LUZP2: variants seen among roughly 807,000 people sequenced by gnomAD.
LUZP2 encodes leucine zipper protein 2.
Under a neutral mutation model 51.6 loss-of-function variants are expected in LUZP2, and 52 were observed. The observed-to-expected ratio is 1.01, with a 90% CI of 0.81 to 1.27. LUZP2 has a LOEUF of 1.27. Ranked by LOEUF, LUZP2 falls within the 50% of genes most tolerant of loss-of-function variation. LUZP2 has a pLI of 0.00. For missense variants in LUZP2, 436 were observed against 395.4 expected, an observed-to-expected ratio of 1.10 and a Z score of -0.87; for synonymous variants, 154 against 137.3, an observed-to-expected ratio of 1.12 and a Z score of -0.85.
chr11:24,574,922 G>C (rs1400507632), intron 1 of LUZP2, among the ~76,000 whole-genome samples: 1 of 152,060 alleles, frequency 6.6e-6, no homozygotes, highest in Non-Finnish European at 1.5e-5. Context: ...TCCTCTTAAG[G>C]GGAGATTAAG....
At chr11:24,804,179 G>A (rs941836931) in intron 5 of LUZP2, among the ~76,000 whole-genome samples, 2 of 151,970 alleles carry the variant, frequency 1.3e-5, no homozygotes, top group East Asian at 3.9e-4. Context: ...GAGGCACAAA[G>A]ACCAAATACA....
intron 5 of LUZP2, among the ~76,000 whole-genome samples, chr11:24,820,159 T>G (rs957117736): frequency 6.6e-6 from 1 of 152,114 alleles, no homozygotes; most frequent in African/African-American, 2.4e-5. Flanking sequence ...TTATAATAGG[T>G]GAACGCATAC....
chr11:24,542,013 G>A (rs1163130091), intron 1 of LUZP2, among the ~76,000 whole-genome samples: 2 of 151,932 alleles, frequency 1.3e-5, no homozygotes, highest in Non-Finnish European at 1.5e-5. Flanking sequence ...AGAATTAATG[G>A]TATACCAAAA....
chr11:24,946,057 A>G (rs1590760225), intron 7 of LUZP2, among the ~76,000 whole-genome samples: 1 of 152,094 alleles, frequency 6.6e-6, no homozygotes, highest in East Asian at 1.9e-4. Flanking sequence ...ATATATAAGT[A>G]GAAACATACA....
chr11:24,921,954 A>C (rs1482495695), intron 7 of LUZP2, among the ~76,000 whole-genome samples: 2 of 152,166 alleles, frequency 1.3e-5, no homozygotes, highest in Non-Finnish European at 2.9e-5. Flanking sequence ...TCACAATGAA[A>C]GAATTGAAGT....
rs141931658 is a variant in LUZP2 at position 24,926,207 on chromosome 11, GTA to G, written c.522+11682_522+11683del. On this transcript the variant is annotated intron_variant, in intron 7 of 11. Transcript: ENST00000336930. ...TATATATGTGTATATATATATGTGT[GTA>G]TATATATATATACGTGTATATATAT... Among the ~76,000 whole-genome samples the G allele has an allele frequency of 7.5e-4, 108 of 144,464 alleles. 1 individual carries two copies. The highest frequency in any genetic ancestry group is 2.1e-3 in the Admixed American group (30 of 14,260). 94.8% of individuals were successfully genotyped at this position (144,464 alleles called of 152,430 possible).
intron 9 of LUZP2, among the ~76,000 whole-genome samples, chr11:25,001,454 T>C (rs1035028960): frequency 2.0e-5 from 3 of 152,136 alleles, no homozygotes; most frequent in African/African-American, 7.2e-5. Context: ...GGTAATTAAT[T>C]AAGATTTAGA....
At chr11:24,497,955 A>G (rs1564953062) in intron 1 of LUZP2, among the ~76,000 whole-genome samples, 1 of 152,224 alleles carries the variant, frequency 6.6e-6, no homozygotes, top group Non-Finnish European at 1.5e-5. Flanking sequence ...CTAGTCAGAA[A>G]CAATTAAGTA....
At position 24,521,125 on chromosome 11, in the gene LUZP2, C is replaced by G. The variant is rs536414614; in HGVS notation, c.62+23820C>G. ...CAGCACTTTGGGAGGCCAAGGTGTG[C>G]GGATCACCTGAGGTCAGAAGTTTGG... On this transcript the variant is annotated intron_variant, in intron 1 of 11. Coordinates refer to ENST00000336930, the MANE Select transcript of LUZP2 (RefSeq NM_001009909.4). Among the ~76,000 whole-genome samples, 10 of 152,106 alleles carry G rather than the reference C, an allele frequency of 6.6e-5. No homozygotes were observed. In the East Asian group the frequency reaches 1.7e-3, roughly 27 times the overall value.
At chr11:24,793,318 G>A (rs1374787751) in intron 5 of LUZP2, among the ~76,000 whole-genome samples, 1 of 152,030 alleles carries the variant, frequency 6.6e-6, no homozygotes, top group African/African-American at 2.4e-5. Flanking sequence ...TTTTTGTTGT[G>A]ACTTATTTCT....
intron 4 of LUZP2, among the ~76,000 whole-genome samples, chr11:24,745,742 A>G (rs1859356746): frequency 6.6e-6 from 1 of 152,112 alleles, no homozygotes; most frequent in Admixed American, 6.6e-5. Context: ...CAGTGGCACA[A>G]TCTTGGCTCA....
chr11:25,044,040 A>ATAGTC (rs1858177523), intron 9 of LUZP2, among the ~76,000 whole-genome samples: 1 of 11,212 alleles, frequency 8.9e-5, no homozygotes, highest in Admixed American at 1.6e-3. Flanking sequence ...TAGAGTCTAT[A>ATAGTC]TATATATCTG....
At chr11:24,706,881 C>T (rs191234646) in intron 1 of LUZP2, among the ~76,000 whole-genome samples, 1 of 151,916 alleles carries the variant, frequency 6.6e-6, no homozygotes, top group Admixed American at 6.6e-5. Flanking sequence ...CCTCTCTCTT[C>T]TCCTTCTTGA....
At chr11:24,524,983 A>G (rs528288355) in intron 1 of LUZP2, among the ~76,000 whole-genome samples, 37 of 151,626 alleles carry the variant, frequency 2.4e-4, no homozygotes, top group Middle Eastern at 3.2e-3. Flanking sequence ...CTGGGAAAAG[A>G]ATTAGAGAAA....
At chr11:24,505,864 A>G (rs1299726100) in intron 1 of LUZP2, among the ~76,000 whole-genome samples, 2 of 152,154 alleles carry the variant, frequency 1.3e-5, no homozygotes, top group Admixed American at 6.6e-5. Flanking sequence ...CCTCGTTTCT[A>G]TCTGGTGCCT....
chr11:24,940,442 T>C (rs952857322), intron 7 of LUZP2, among the ~76,000 whole-genome samples: 1 of 152,286 alleles, frequency 6.6e-6, no homozygotes, highest in Non-Finnish European at 1.5e-5. Context: ...AGGTGTAGCA[T>C]TTAAAAGGAG....
At chr11:24,626,612 A>G (rs374153851) in intron 1 of LUZP2, among the ~76,000 whole-genome samples, 6 of 152,310 alleles carry the variant, frequency 3.9e-5, no homozygotes, top group African/African-American at 9.6e-5. Flanking sequence ...TGTAAATGAC[A>G]TAGCCAATTT....
At chr11:25,028,612 A>G (rs1361555097) in intron 9 of LUZP2, among the ~76,000 whole-genome samples, 1 of 151,982 alleles carries the variant, frequency 6.6e-6, no homozygotes, top group Non-Finnish European at 1.5e-5. Context: ...TCTATGTACT[A>G]TTTTTAATTA....
rs113579411 is a variant in LUZP2 at position 24,763,144 on chromosome 11, T to C, written c.334-102T>C. 8.9e-3 allele frequency: 5,398 copies of C among 605,496 alleles called. 105 individuals carry two copies. Among genetic ancestry groups the C allele is most frequent in the South Asian group, 0.061 (1,373 of 22,560 alleles). 37.5% of individuals were successfully genotyped at this position (605,496 alleles called of 1,614,324 possible). ...TAATTCTTTGTTCTTTTTCAATATT[T>C]GTTAATAAATAATTTATTATTTCTC... On this transcript the variant is annotated intron_variant, in intron 4 of 11. Transcript: ENST00000336930.
Sources: gnomAD v4.1 joint callset for allele counts (sites outside exome capture counted in the v4.1 genomes callset) on GRCh38, gnomAD v4.1.1 for gene constraint, MANE v1.5 for transcripts, NCBI Gene and HGNC (gene_info 2026-07-23, HGNC 2026-07-21) for gene names.